Variants in CEP112 observed in about 807,000 individuals in gnomAD.
The protein encoded by CEP112 is centrosomal protein 112.
In CEP112, 127 loss-of-function variants were observed where a neutral mutation model predicts 153.0. The observed-to-expected ratio is 0.83, with a 90% CI of 0.72 to 0.96. The LOEUF (loss-of-function observed/expected upper bound fraction) is 0.96. Among genes scored for constraint, CEP112 ranks in the 40% least tolerant of loss-of-function variants. The probability of loss-of-function intolerance (pLI) is 0.00; values close to 1 mark genes in which losing one functional copy is unlikely to be tolerated. For missense variants in CEP112, 1,089 were observed against 1,101.2 expected (o/e 0.99, Z 0.16); for synonymous variants, 358 against 374.4 (o/e 0.96, Z 0.51).
chr17:65,917,934 T>C (rs1185900604), intron 19 of CEP112, among the ~76,000 whole-genome samples: 1 of 152,108 alleles, frequency 6.6e-6, no homozygotes, highest in Non-Finnish European at 1.5e-5. Flanking sequence ...CCTAGCACTT[T>C]GAGAGGCCAA....
chr17:65,787,940 T>G (rs557668444), intron 21 of CEP112, among the ~76,000 whole-genome samples: 16 of 152,346 alleles, frequency 1.1e-4, no homozygotes, highest in South Asian at 2.1e-4. Flanking sequence ...CAATGGCATC[T>G]GTATTTCACT....
intron 23 of CEP112, among the ~76,000 whole-genome samples, chr17:65,698,201 CTT>C (rs1025242587): frequency 2.6e-5 from 4 of 152,074 alleles, no homozygotes; most frequent in African/African-American, 9.7e-5. Flanking sequence ...CACGTGAAAA[CTT>C]TTTAGTTGTT....
chr17:65,733,028 G>A (rs189665796), intron 23 of CEP112, among the ~76,000 whole-genome samples: 11 of 152,274 alleles, frequency 7.2e-5, no homozygotes, highest in Admixed American at 2.6e-4. Context: ...GGCCTGTCTC[G>A]GCTTTCAACA....
intron 21 of CEP112, among the ~76,000 whole-genome samples, chr17:65,838,735 A>G (rs978240522): frequency 2.0e-5 from 3 of 152,080 alleles, no homozygotes; most frequent in African/African-American, 7.2e-5. Flanking sequence ...ATAAGCAAAA[A>G]CTGGCAAACC....
intron 17 of CEP112, among the ~76,000 whole-genome samples, chr17:66,002,392 CA>C (rs1456871760): frequency 3.3e-5 from 5 of 152,098 alleles, no homozygotes; most frequent in Admixed American, 1.3e-4. Context: ...CTGAGAGAAT[CA>C]AAGAACTTGA....
At chr17:65,821,882 A>G (rs1451537443) in intron 21 of CEP112, among the ~76,000 whole-genome samples, 2 of 151,862 alleles carry the variant, frequency 1.3e-5, no homozygotes, top group Non-Finnish European at 2.9e-5. Flanking sequence ...AACGTTTAAA[A>G]TGTCACTAAT....
chr17:65,831,327 G>T (rs1413882995), intron 21 of CEP112, among the ~76,000 whole-genome samples: 1 of 152,162 alleles, frequency 6.6e-6, no homozygotes, highest in Non-Finnish European at 1.5e-5. Context: ...GGAGGCCGAG[G>T]CGGGTGGATC....
At chr17:65,802,830 C>T (rs1032014307) in intron 21 of CEP112, among the ~76,000 whole-genome samples, 1 of 152,182 alleles carries the variant, frequency 6.6e-6, no homozygotes, top group Non-Finnish European at 1.5e-5. Context: ...AAGATGGCCG[C>T]ATCAATATAT....
intron 17 of CEP112, among the ~76,000 whole-genome samples, chr17:65,987,131 T>C (rs919059066): frequency 9.9e-5 from 15 of 151,796 alleles, no homozygotes; most frequent in African/African-American, 3.6e-4. Context: ...CAGAAGAAAA[T>C]ATCAGAAAAG....
At chr17:65,900,863 T>A (rs2059820849) in intron 20 of CEP112, among the ~76,000 whole-genome samples, 1 of 152,178 alleles carries the variant, frequency 6.6e-6, no homozygotes, top group Non-Finnish European at 1.5e-5. Flanking sequence ...AGTATTCTCG[T>A]ACCATGGGCA....
At chr17:65,811,965 T>G (rs1243396511) in intron 21 of CEP112, among the ~76,000 whole-genome samples, 1 of 152,146 alleles carries the variant, frequency 6.6e-6, no homozygotes, top group Non-Finnish European at 1.5e-5. Flanking sequence ...TTTTCTGTCA[T>G]TGCTGCTTTC....
At chr17:66,074,115 G>A (rs897275329) in intron 8 of CEP112, among the ~76,000 whole-genome samples, 3 of 151,908 alleles carry the variant, frequency 2.0e-5, no homozygotes, top group East Asian at 3.9e-4. Flanking sequence ...ATGAAAGAAC[G>A]GATAAGGGAT....
At chr17:65,660,638 G>A (rs1168027161) in intron 24 of CEP112, among the ~76,000 whole-genome samples, 1 of 151,770 alleles carries the variant, frequency 6.6e-6, no homozygotes, top group Non-Finnish European at 1.5e-5. Flanking sequence ...TCCACCTTCT[G>A]GTCTTAGGTG....
At chr17:65,854,580 T>C (rs1448035641) in intron 20 of CEP112, among the ~76,000 whole-genome samples, 1 of 152,248 alleles carries the variant, frequency 6.6e-6, no homozygotes, top group Middle Eastern at 3.2e-3. Context: ...GTCCCATTTT[T>C]ATCCTGCCTT....
chr17:65,733,964 G>A (rs902773899), intron 23 of CEP112, among the ~76,000 whole-genome samples: 1 of 152,242 alleles, frequency 6.6e-6, no homozygotes, highest in African/African-American at 2.4e-5. Flanking sequence ...CCTGACTGAT[G>A]TTGGGTGGGT....
At chr17:66,066,458 A>G (rs2067121857) in intron 10 of CEP112, among the ~76,000 whole-genome samples, 2 of 152,146 alleles carry the variant, frequency 1.3e-5, no homozygotes, top group Admixed American at 1.3e-4. Context: ...ACTCTATGGC[A>G]GCTGTATCCC....
chr17:66,056,091 A>G (rs891637000), intron 11 of CEP112, among the ~76,000 whole-genome samples: 18 of 152,174 alleles, frequency 1.2e-4, no homozygotes, highest in Non-Finnish European at 2.6e-4. Flanking sequence ...AGTTTATGAA[A>G]CCATAGGACA....
intron 17 of CEP112, among the ~76,000 whole-genome samples, chr17:65,997,742 T>TAA (rs1435771468): frequency 6.6e-6 from 1 of 151,580 alleles, no homozygotes; most frequent in Non-Finnish European, 1.5e-5. Context: ...TTTATATAAA[T>TAA]ATAATGTCTA....
intron 20 of CEP112, among the ~76,000 whole-genome samples, chr17:65,868,705 C>T (rs1427837199): frequency 6.6e-6 from 1 of 152,016 alleles, no homozygotes; most frequent in African/African-American, 2.4e-5. Flanking sequence ...TTCATGGAGA[C>T]TGAATTTATA....
Sources: allele counts gnomAD v4.1 joint callset (sites outside exome capture counted in the v4.1 genomes callset), GRCh38; gene constraint gnomAD v4.1.1; transcripts MANE v1.5; gene names NCBI Gene and HGNC (gene_info 2026-07-23, HGNC 2026-07-21).